LAMB4: variants seen among roughly 807,000 people sequenced by gnomAD.
LAMB4 encodes the protein laminin subunit beta 4.
Under a neutral mutation model 199.2 loss-of-function variants are expected in LAMB4, and 196 were observed. That is an observed-to-expected ratio of 0.98 (90% CI 0.88 to 1.11). LAMB4 has a LOEUF of 1.11. LAMB4 is among the 50% of genes least tolerant of loss of function. The pLI is 0.00. For missense variants in LAMB4, 2,080 were observed against 2,171.2 expected (o/e 0.96, Z 0.83); for synonymous variants, 744 against 770.6 (o/e 0.97, Z 0.57).
At chr7:108,080,750 T>C (rs2036898719) in intron 14 of LAMB4, among the ~76,000 whole-genome samples, 1 of 152,120 alleles carries the variant, frequency 6.6e-6, no homozygotes, top group African/African-American at 2.4e-5. Flanking sequence ...GAAATTGTGC[T>C]GTCAGATTGG....
At chr7:108,078,956 T>C (rs952152771) in intron 15 of LAMB4, among the ~76,000 whole-genome samples, 10 of 152,164 alleles carry the variant, frequency 6.6e-5, no homozygotes, top group African/African-American at 2.4e-4. Context: ...ATGTGGTCCC[T>C]AGTGGGGCTT....
intron 11 of LAMB4, 96 bp from the exon 12 acceptor site, chr7:108,095,433 A>G: frequency 1.2e-6 from 1 of 848,350 alleles, no homozygotes. Context: ...CATAACCGCA[A>G]GAACACAGAG....
chr7:108,015,748 CT>C, the LAMB4 span, among the ~76,000 whole-genome samples: 1,327 of 123,470 alleles, frequency 0.011, 12 homozygotes, highest in East Asian at 0.046. Context: ...GTTTTGAAGA[CT>C]TTTTTTTTTT....
chr7:108,013,004 T>C, the LAMB4 span, among the ~76,000 whole-genome samples: 1 of 152,242 alleles, frequency 6.6e-6, no homozygotes. Context: ...GGAGAGGATC[T>C]TTCTAGATTA....
intron 16 of LAMB4, among the ~76,000 whole-genome samples, chr7:108,077,814 T>G (rs2036762122): frequency 6.6e-6 from 1 of 152,232 alleles, no homozygotes. Flanking sequence ...AATGTTTTAC[T>G]CTTGTTCTGG....
chr7:108,119,743 A>C (rs1000927835), intron 2 of LAMB4, among the ~76,000 whole-genome samples: 6 of 152,158 alleles, frequency 3.9e-5, no homozygotes, highest in Admixed American at 6.6e-5. Context: ...CATAGACTCA[A>C]ATACACGCAC....
intron 17 of LAMB4, among the ~76,000 whole-genome samples, chr7:108,070,567 C>G (rs185744764): frequency 6.6e-4 from 100 of 152,314 alleles, no homozygotes; most frequent in African/African-American, 2.2e-3. Context: ...TGTGATGATC[C>G]ACTTCCACTT....
chr7:108,081,023 A>G (rs1196766347), intron 14 of LAMB4, among the ~76,000 whole-genome samples: 1 of 152,062 alleles, frequency 6.6e-6, no homozygotes, highest in Non-Finnish European at 1.5e-5. Context: ...TTGGAAGGCT[A>G]AGACAGGAGA....
intron 19 of LAMB4, 118 bp downstream of exon 19, chr7:108,067,898 A>G: frequency 8.1e-7 from 1 of 1,235,188 alleles, no homozygotes; most frequent in Non-Finnish European, 1.2e-6. Flanking sequence ...AGATAGTCTG[A>G]ATAATGTAGT....
At position 108,095,324 on chromosome 7, in the gene LAMB4, G is replaced by T; in HGVS notation, c.1374C>A (p.Asn458Lys). Reference sequence around the variant, plus strand: ...TCAAGAATGGCAGACTCCCAAGGGGGTTACAGTCGCAGGCTGAAAGCACAG... The same window carrying T: ...TCAAGAATGGCAGACTCCCAAGGGGTTTACAGTCGCAGGCTGAAAGCACAG... ...DPLGCQPCDC[N>K]PLGSLPFLTC... The change falls in exon 12 of 34, where the codon AAC (asparagine) becomes AAA (lysine). Residue 458 changes from asparagine (N) to lysine (K), a missense_variant. By Grantham distance (94) the Asn-to-Lys change is moderately conservative. Coordinates refer to ENST00000388781, the MANE Select transcript of LAMB4 (RefSeq NM_007356.3). The T allele has an allele frequency of 9.9e-6, 16 of 1,613,188 alleles. No individual in the cohort carries two copies. The highest frequency in any genetic ancestry group is 1.4e-5 in the Non-Finnish European group (16 of 1,179,344).
Position 108,063,984 on chromosome 7 carries a change from A to C in LAMB4, c.2838T>G (p.Gly946=). ...CAGTAGAGCATTCTCCACACTGAGT[A>C]CCTGAAAGAAAGTGGGAGGAAAAGG... ...VICNCLQGYT[G]TQCGECSTGF... is the part of the protein sequence containing the mutation. Residue 946 remains glycine, a splice_region_variant and synonymous_variant, in exon 22 of 34, where the codon GGT becomes GGG. Coordinates refer to ENST00000388781, the MANE Select transcript of LAMB4 (RefSeq NM_007356.3). The C allele has an allele frequency of 6.2e-7, 1 of 1,610,958 alleles. No homozygotes were observed. Among genetic ancestry groups the C allele is most frequent in the Non-Finnish European group, 8.5e-7 (1 of 1,177,094 alleles).
chr7:108,078,182 G>C lies in LAMB4; in HGVS notation c.2003+19C>G. On this transcript the variant is annotated intron_variant, in intron 16 of 33. Transcript: ENST00000388781. ...ATTCTAAGAAGCTTTCAATGTTTGA[G>C]GACCGGTCTGAAACATACCTCGTAG... 1.4e-6 allele frequency: 2 copies of C among 1,477,728 alleles called. No homozygotes were observed. Among genetic ancestry groups the C allele is most frequent in the Non-Finnish European group, 1.9e-6 (2 of 1,066,590 alleles). The allele number at this position is 1,477,728 out of a possible 1,614,324, so 91.5% of individuals were successfully genotyped here. A position where few individuals can be genotyped will look rare whatever the true frequency, so the allele number is the denominator to read the frequency against.
intron 17 of LAMB4, 51 bp from the exon 18 acceptor site, chr7:108,069,936 G>A (rs761993537): frequency 2.1e-5 from 30 of 1,437,152 alleles, no homozygotes; most frequent in Admixed American, 4.0e-5. Context: ...TGCTGTGTAC[G>A]ATTCTACTTA....
At chr7:108,093,507 A>G (rs138713685) in intron 12 of LAMB4, among the ~76,000 whole-genome samples, 36 of 152,340 alleles carry the variant, frequency 2.4e-4, no homozygotes, top group African/African-American at 7.9e-4. Flanking sequence ...ACACTTTAGC[A>G]TAGGCATTTG....
intron 11 of LAMB4, among the ~76,000 whole-genome samples, chr7:108,097,152 G>C (rs900015936): frequency 6.6e-6 from 1 of 152,076 alleles, no homozygotes; most frequent in Non-Finnish European, 1.5e-5. Context: ...TAAGAAGAGC[G>C]TTTTATTACA....
At chr7:108,072,285 A>G (rs897638540) in intron 17 of LAMB4, among the ~76,000 whole-genome samples, 9 of 152,014 alleles carry the variant, frequency 5.9e-5, no homozygotes, top group Non-Finnish European at 1.0e-4. Flanking sequence ...GATTCTACCT[A>G]TGTGAGCCAT....
Position 108,087,406 on chromosome 7 carries a change from A to G in LAMB4, c.1701+4220T>C, listed in dbSNP as rs543900233. Among the ~76,000 whole-genome samples the G allele has an allele frequency of 7.2e-5, 11 of 152,352 alleles. No homozygotes were observed. The South Asian group carries it at 2.1e-3, about 29-fold the overall frequency. On this transcript the variant is annotated intron_variant, in intron 14 of 33. Transcript: ENST00000388781. ...GTCTGCTTTCATTTGCTTCTCCAAC[A>G]TACTCATTTGTGCATATGCACACAG...
intron 1 of LAMB4, 133 bp from the exon 2 acceptor site, chr7:108,123,330 A>C (rs1471446033): frequency 4.5e-6 from 2 of 445,058 alleles, no homozygotes; most frequent in Non-Finnish European, 8.0e-6. Context: ...CACTGTCCAG[A>C]TCCTCAAAAA....
At chr7:108,123,571 C>A (rs2038674042) in intron 1 of LAMB4, among the ~76,000 whole-genome samples, 1 of 152,084 alleles carries the variant, frequency 6.6e-6, no homozygotes, top group South Asian at 2.1e-4. Flanking sequence ...TTCAGACAGG[C>A]AAAATGAAGA....
Sources: gnomAD v4.1 joint callset for allele counts (sites outside exome capture counted in the v4.1 genomes callset) on GRCh38, gnomAD v4.1.1 for gene constraint, MANE v1.5 for transcripts, NCBI Gene and HGNC (gene_info 2026-07-23, HGNC 2026-07-21) for gene names.